Variants in WDFY3 observed in about 807,000 individuals in gnomAD.
The protein encoded by WDFY3 is WD repeat and FYVE domain containing 3.
WDFY3 carries 66 observed loss-of-function variants against 409.6 expected under a neutral mutation model. The observed-to-expected ratio is 0.16, with a 90% confidence interval of 0.13 to 0.20. The LOEUF is 0.20. Ranked by LOEUF, WDFY3 falls within the 10% of genes least tolerant of loss-of-function variation. WDFY3 has a pLI of 1.00. For missense variants in WDFY3, 3,031 were observed against 4,298.1 expected (o/e 0.71, Z 8.24); for synonymous variants, 1,521 against 1,537.1 (o/e 0.99, Z 0.25).
At chr4:84,914,558 G>GTCAGTAAGCT (rs1768223620) in intron 2 of WDFY3, among the ~76,000 whole-genome samples, 1 of 152,186 alleles carries the variant, frequency 6.6e-6, no homozygotes, top group Admixed American at 6.5e-5. Context: ...AGGGTCAACT[G>GTCAGTAAGCT]TATCTTGTCA....
At chr4:84,869,548 TA>T in intron 3 of WDFY3, among the ~76,000 whole-genome samples, 1 of 152,280 alleles carries the variant, frequency 6.6e-6, no homozygotes, top group East Asian at 1.9e-4. Context: ...TAAAAACTAA[TA>T]ATTCCAAATA....
chr4:84,950,065 G>A (rs189069412), intron 1 of WDFY3, among the ~76,000 whole-genome samples: 1 of 152,304 alleles, frequency 6.6e-6, no homozygotes, highest in Admixed American at 6.5e-5. Flanking sequence ...ATACTATGCA[G>A]CCATAAAAAA....
Position 84,831,604 on chromosome 4 carries a change from A to G in WDFY3, c.578T>C (p.Ile193Thr). Residue 193 changes from isoleucine to threonine, a missense_variant and splice_region_variant, in exon 8 of 68, where the codon ATC (isoleucine) becomes ACC (threonine). Coordinates refer to ENST00000295888, the MANE Select transcript of WDFY3 (RefSeq NM_014991.6). The stretch of plus-strand genomic sequence containing the variant: ...AACAAAACTGCACAGTTTCACTAAG[A>G]TCTAAAAAATAAAACAAAACAAAAC... ...RGLLQKVFVQ[I>T]LVKLCSFVSP... 6.2e-7 allele frequency: 1 copy of G among 1,601,470 alleles called. No individual in the cohort carries two copies. Among genetic ancestry groups the G allele is most frequent in the Non-Finnish European group, 8.5e-7 (1 of 1,173,728 alleles).
chr4:84,794,821 A>G, intron 20 of WDFY3, 58 bp downstream of exon 20: 5 of 1,520,278 alleles, frequency 3.3e-6, no homozygotes. Flanking sequence ...AATAAACTCT[A>G]AATTATATAT....
intron 47 of WDFY3, among the ~76,000 whole-genome samples, chr4:84,720,946 T>C (rs1169415521): frequency 6.6e-6 from 1 of 151,864 alleles, no homozygotes; most frequent in Non-Finnish European, 1.5e-5. Context: ...GTATTGGAGG[T>C]TGAGCAAGAA....
intron 37 of WDFY3, among the ~76,000 whole-genome samples, chr4:84,742,381 AGTATAATCATTGTTGAGGGGTGTGTT>A (rs1335748613): frequency 6.6e-6 from 1 of 152,244 alleles, no homozygotes; most frequent in African/African-American, 2.4e-5. Context: ...TGAAAAATAA[AGTATAATCATTGTTGAGGGGTGTGTT>A]TAGCCCCTCC....
At chr4:84,898,474 A>T (rs1765930177) in intron 2 of WDFY3, among the ~76,000 whole-genome samples, 2 of 152,176 alleles carry the variant, frequency 1.3e-5, no homozygotes, top group African/African-American at 4.8e-5. Flanking sequence ...AGCATATCAT[A>T]TCAACAGTAG....
chr4:84,766,802 A>G (rs993353703), intron 30 of WDFY3, among the ~76,000 whole-genome samples: 2 of 152,258 alleles, frequency 1.3e-5, no homozygotes, highest in African/African-American at 4.8e-5. Context: ...CTTATTCAGT[A>G]AACGTAATAC....
intron 44 of WDFY3, among the ~76,000 whole-genome samples, 176 bp downstream of exon 44, chr4:84,733,206 C>T (rs1403260860): frequency 6.6e-6 from 1 of 152,184 alleles, no homozygotes; most frequent in Non-Finnish European, 1.5e-5. Context: ...ATGTCTCCTT[C>T]TTGCACTGTT....
chr4:84,931,758 C>A (rs182874345), intron 2 of WDFY3, among the ~76,000 whole-genome samples: 57 of 152,108 alleles, frequency 3.7e-4, no homozygotes, highest in Non-Finnish European at 6.3e-4. Context: ...AAACTAATAA[C>A]CTCATGTAAA....
chr4:84,764,503 T>C (rs913028348), intron 32 of WDFY3, among the ~76,000 whole-genome samples: 23 of 152,192 alleles, frequency 1.5e-4, no homozygotes, highest in African/African-American at 5.3e-4. Flanking sequence ...CTTTATCACA[T>C]ACAAAGTTTC....
chr4:84,735,989 T>C (rs919532586), intron 42 of WDFY3, among the ~76,000 whole-genome samples, 181 bp downstream of exon 42: 3 of 152,184 alleles, frequency 2.0e-5, no homozygotes, highest in Admixed American at 6.5e-5. Flanking sequence ...TATAAGTAAA[T>C]AGCACTCATA....
intron 1 of WDFY3, among the ~76,000 whole-genome samples, chr4:84,948,033 TAGTA>T (rs376659104): frequency 1.5e-3 from 233 of 152,312 alleles, no homozygotes; most frequent in African/African-American, 5.0e-3. Flanking sequence ...CTCCTCAAGC[TAGTA>T]AGTGTCAACT....
intron 61 of WDFY3, among the ~76,000 whole-genome samples, 198 bp from the exon 62 acceptor site, chr4:84,688,463 G>C (rs796096451): frequency 3.3e-5 from 5 of 152,258 alleles, no homozygotes; most frequent in African/African-American, 1.2e-4. Context: ...CAGCCCACGG[G>C]GGTAGAGAGA....
chr4:84,870,743 G>A (rs1194640593), intron 3 of WDFY3, among the ~76,000 whole-genome samples: 1 of 152,140 alleles, frequency 6.6e-6, no homozygotes, highest in East Asian at 1.9e-4. Context: ...GAAGGGAAAA[G>A]GAAGAATAAA....
intron 10 of WDFY3, among the ~76,000 whole-genome samples, chr4:84,826,413 G>A (rs1430879326): frequency 2.6e-5 from 4 of 152,060 alleles, no homozygotes. Flanking sequence ...GGGGGTCCTG[G>A]AACCAATCCC....
intron 5 of WDFY3, among the ~76,000 whole-genome samples, chr4:84,848,580 A>T (rs1758439152): frequency 6.6e-6 from 1 of 152,196 alleles, no homozygotes; most frequent in African/African-American, 2.4e-5. Context: ...GACCTCCTGG[A>T]TTACACAGCT....
At chr4:84,936,582 A>G (rs1419130341) in intron 1 of WDFY3, among the ~76,000 whole-genome samples, 1 of 152,132 alleles carries the variant, frequency 6.6e-6, no homozygotes, top group Admixed American at 6.6e-5. Flanking sequence ...ATAGCCCAGA[A>G]AGATTTTGTG....
At chr4:84,892,795 A>G (rs1765124866) in intron 3 of WDFY3, among the ~76,000 whole-genome samples, 1 of 152,256 alleles carries the variant, frequency 6.6e-6, no homozygotes, top group Non-Finnish European at 1.5e-5. Context: ...TAAAATAAAC[A>G]AAGAAATCAA....
Sources: allele counts gnomAD v4.1 joint callset (sites outside exome capture counted in the v4.1 genomes callset), GRCh38; gene constraint gnomAD v4.1.1; transcripts MANE v1.5; gene names NCBI Gene and HGNC (gene_info 2026-07-23, HGNC 2026-07-21).